The following WDPCP variants were observed in gnomAD, a reference collection of about 807,000 sequenced individuals.
WDPCP encodes the protein WD repeat containing planar cell polarity effector.
In WDPCP, 71 loss-of-function variants were observed where a neutral mutation model predicts 93.1. The observed-to-expected ratio is 0.76, with a 90% CI of 0.63 to 0.93. WDPCP has a LOEUF of 0.93. WDPCP is among the 40% of genes least tolerant of loss of function. The pLI, the probability that WDPCP is intolerant of heterozygous loss-of-function variation, is 0.00. For missense variants in WDPCP, 844 were observed against 887.4 expected (o/e 0.95, Z 0.62); for synonymous variants, 315 against 315.0 (o/e 1.00, Z 0.00).
At chr2:63,461,585 A>G (rs1699013507) in intron 6 of WDPCP, among the ~76,000 whole-genome samples, 1 of 152,166 alleles carries the variant, frequency 6.6e-6, no homozygotes, top group Admixed American at 6.5e-5. Flanking sequence ...GGCCTAATAC[A>G]CCTGGTGTAG....
At chr2:63,504,235 G>C (rs552790831) in intron 1 of WDPCP, among the ~76,000 whole-genome samples, 45 of 151,810 alleles carry the variant, frequency 3.0e-4, no homozygotes, top group African/African-American at 1.0e-3. Flanking sequence ...ATAGAAACGT[G>C]GGTAACATTT....
intron 9 of WDPCP, among the ~76,000 whole-genome samples, chr2:63,426,772 T>G (rs79673728): frequency 6.6e-6 from 1 of 152,140 alleles, no homozygotes; most frequent in African/African-American, 2.4e-5. Flanking sequence ...GAGTTGCAAG[T>G]TGAATAAAAA....
intron 14 of WDPCP, among the ~76,000 whole-genome samples, chr2:63,221,184 A>G (rs1340236656): frequency 6.6e-6 from 1 of 152,202 alleles, no homozygotes; most frequent in Non-Finnish European, 1.5e-5. Flanking sequence ...TAAGAGAACC[A>G]GGAGTGTTGT....
intron 2 of WDPCP, among the ~76,000 whole-genome samples, chr2:63,704,026 A>C (rs1558888710): frequency 6.6e-6 from 1 of 152,074 alleles, no homozygotes; most frequent in East Asian, 1.9e-4. Flanking sequence ...GTCCCTTGTA[A>C]GTTGGATTCC....
At chr2:63,389,793 C>T (rs1310969132) in intron 10 of WDPCP, among the ~76,000 whole-genome samples, 1 of 152,012 alleles carries the variant, frequency 6.6e-6, no homozygotes, top group Non-Finnish European at 1.5e-5. Flanking sequence ...TCAAAAGAGA[C>T]AAAGAAGGCC....
chr2:63,245,082 A>G (rs903136120), intron 14 of WDPCP, among the ~76,000 whole-genome samples: 3 of 152,172 alleles, frequency 2.0e-5, no homozygotes, highest in African/African-American at 7.2e-5. Flanking sequence ...GCATGCACGC[A>G]CAGTTTATTA....
intron 3 of WDPCP, among the ~76,000 whole-genome samples, chr2:63,626,997 G>C (rs1487781072): frequency 6.7e-6 from 1 of 149,904 alleles, no homozygotes. Context: ...AAGCCCAAGA[G>C]AATAAAATAT....
intron 13 of WDPCP, among the ~76,000 whole-genome samples, chr2:63,264,998 T>C (rs911273830): frequency 3.9e-5 from 6 of 152,172 alleles, no homozygotes; most frequent in Non-Finnish European, 8.8e-5. Context: ...ACAAATACCT[T>C]GTGACAAACA....
At chr2:63,323,207 C>G (rs1348617364) in intron 12 of WDPCP, among the ~76,000 whole-genome samples, 1 of 152,212 alleles carries the variant, frequency 6.6e-6, no homozygotes, top group Admixed American at 6.5e-5. Context: ...ACCATTGCCC[C>G]CTGGGTCCTA....
intron 15 of WDPCP, among the ~76,000 whole-genome samples, chr2:63,166,308 G>A (rs1467491059): frequency 9.2e-5 from 14 of 152,052 alleles, no homozygotes; most frequent in African/African-American, 2.7e-4. Context: ...CTCGTGATTC[G>A]CCTGCCTTGG....
chr2:63,340,307 G>A (rs1221198736), intron 12 of WDPCP, among the ~76,000 whole-genome samples: 2 of 152,142 alleles, frequency 1.3e-5, no homozygotes, highest in African/African-American at 4.8e-5. Context: ...GTATGTGAAG[G>A]CTGGCAAGGA....
intron 1 of WDPCP, among the ~76,000 whole-genome samples, chr2:63,497,406 T>C (rs1463740123): frequency 6.6e-6 from 1 of 152,106 alleles, no homozygotes; most frequent in Non-Finnish European, 1.5e-5. Flanking sequence ...ATCTGTGTGA[T>C]TAAGGAGGGG....
At chr2:63,124,597 A>G (rs1321974966) in intron 17 of WDPCP, among the ~76,000 whole-genome samples, 1 of 152,162 alleles carries the variant, frequency 6.6e-6, no homozygotes, top group Non-Finnish European at 1.5e-5. Flanking sequence ...AGATTTTTAA[A>G]TTTTAATACA....
At chr2:63,279,404 C>T (rs908146885) in intron 13 of WDPCP, among the ~76,000 whole-genome samples, 1 of 152,088 alleles carries the variant, frequency 6.6e-6, no homozygotes, top group African/African-American at 2.4e-5. Flanking sequence ...TAGACAAAAT[C>T]CGGCATCCCA....
chr2:63,294,955 A>C (rs1372184893), intron 13 of WDPCP, among the ~76,000 whole-genome samples: 2 of 152,202 alleles, frequency 1.3e-5, no homozygotes, highest in African/African-American at 2.4e-5. Flanking sequence ...TTATTAGTTT[A>C]TGTTATAGAG....
chr2:63,439,377 C>T (rs1344509527), intron 7 of WDPCP, among the ~76,000 whole-genome samples: 1 of 151,968 alleles, frequency 6.6e-6, no homozygotes, highest in African/African-American at 2.4e-5. Flanking sequence ...CAATTGTGTA[C>T]TGGTGGTTGT....
chr2:63,254,436 C>T (rs1680976105), intron 14 of WDPCP, among the ~76,000 whole-genome samples: 1 of 151,960 alleles, frequency 6.6e-6, no homozygotes, highest in Non-Finnish European at 1.5e-5. Context: ...AGTAGTTTCT[C>T]CTTTAGAGAT....
intron 1 of WDPCP, among the ~76,000 whole-genome samples, chr2:63,581,191 T>C (rs1200343288): frequency 6.6e-6 from 1 of 152,188 alleles, no homozygotes; most frequent in Non-Finnish European, 1.5e-5. Context: ...CATATTTCCA[T>C]ATGTCTTTGT....
chr2:63,409,956 A>C lies in WDPCP; in HGVS notation c.826-5299T>G, dbSNP rs4671503. On this transcript the variant is annotated intron_variant, in intron 9 of 17. Coordinates refer to ENST00000272321, the MANE Select transcript of WDPCP (RefSeq NM_015910.7). ...GAGAATTTGAAAAGTTTGGAAAACA[A>C]AATTGGGAGAATAATCAAGGAAAAC... is the stretch of plus-strand genomic sequence containing the variant. Among the ~76,000 whole-genome samples, 9 of 152,200 alleles carry C rather than the reference A, an allele frequency of 5.9e-5. No homozygotes were observed. In the East Asian group the frequency reaches 1.3e-3, roughly 23 times the overall value.
Sources: gnomAD v4.1 joint callset for allele counts (sites outside exome capture counted in the v4.1 genomes callset) on GRCh38, gnomAD v4.1.1 for gene constraint, MANE v1.5 for transcripts, NCBI Gene and HGNC (gene_info 2026-07-23, HGNC 2026-07-21) for gene names.